The following ESR1 variants were observed in gnomAD, a reference collection of about 807,000 sequenced individuals.
ESR1 encodes estrogen receptor 1, also known as estrogen receptor.
In ESR1, 12 loss-of-function variants were observed where a neutral mutation model predicts 52.7. The ratio of observed to expected loss-of-function variants is 0.23; its 90% CI spans 0.15 to 0.37. ESR1 has a LOEUF of 0.37. ESR1 is among the 10% of genes least tolerant of loss of function. The pLI is 1.00. For synonymous variants in ESR1, 305 were observed against 316.8 expected, an observed-to-expected ratio of 0.96 and a Z score of 0.39; for missense variants, 584 against 779.7, an observed-to-expected ratio of 0.75 and a Z score of 2.99.
At chr6:151,778,741 T>A (rs1786253639) in intron 2 of ESR1, among the ~76,000 whole-genome samples, 1 of 152,148 alleles carries the variant, frequency 6.6e-6, no homozygotes, top group South Asian at 2.1e-4. Flanking sequence ...AAGAAACCAC[T>A]AATGCTTTGA....
At chr6:151,986,109 G>GCT (rs2040461860) in intron 4 of ESR1, among the ~76,000 whole-genome samples, 1 of 152,098 alleles carries the variant, frequency 6.6e-6, no homozygotes, top group South Asian at 2.1e-4. Flanking sequence ...GCTCAGTGCT[G>GCT]CTGCTGTGGA....
chr6:152,047,825 A>T (rs1454142315), intron 5 of ESR1, among the ~76,000 whole-genome samples: 1 of 152,080 alleles, frequency 6.6e-6, no homozygotes, highest in Non-Finnish European at 1.5e-5. Flanking sequence ...GGCCGGGGGA[A>T]TTAAGACCTC....
chr6:152,023,268 G>A (rs2043839797), intron 5 of ESR1, among the ~76,000 whole-genome samples: 2 of 152,140 alleles, frequency 1.3e-5, no homozygotes, highest in African/African-American at 4.8e-5. Context: ...TCTAGTTCTT[G>A]ATAGCAACAG....
At chr6:151,886,797 T>G (rs1207188964) in intron 3 of ESR1, among the ~76,000 whole-genome samples, 1 of 152,018 alleles carries the variant, frequency 6.6e-6, no homozygotes, top group African/African-American at 2.4e-5. Context: ...TCCCAGCATT[T>G]TGGGAGGCCG....
At position 151,691,817 on chromosome 6, in the gene ESR1, T is replaced by C. The variant is rs187808451; in HGVS notation, c.-202+1153T>C. 2.6e-5 allele frequency among the ~76,000 whole-genome samples: 4 copies of C among 152,344 alleles called. No homozygotes were observed. The East Asian group carries it at 7.7e-4, about 29-fold the overall frequency. ...ATGGATGGTTCAGGGTCCATTTGTA[T>C]ACCATAAAATCCCTTCCTATTTCTC... is the stretch of plus-strand genomic sequence containing the variant. On this transcript the variant is annotated intron_variant, in intron 1 of 2. Coordinates refer to the ESR1 transcript ENST00000404742.
At chr6:151,757,551 C>A (rs539362167) in intron 2 of ESR1, among the ~76,000 whole-genome samples, 2 of 152,288 alleles carry the variant, frequency 1.3e-5, no homozygotes, top group South Asian at 4.1e-4. Flanking sequence ...AACCTTGGAT[C>A]CTGACCTCAG....
intron 5 of ESR1, among the ~76,000 whole-genome samples, chr6:152,044,212 ACT>A (rs2046038270): frequency 1.3e-5 from 2 of 152,076 alleles, no homozygotes; most frequent in African/African-American, 4.8e-5. Flanking sequence ...ATTTTGCATA[ACT>A]CTCTACACAG....
intron 2 of ESR1, among the ~76,000 whole-genome samples, chr6:151,872,042 T>C (rs1328123395): frequency 6.6e-6 from 1 of 152,184 alleles, no homozygotes; most frequent in Admixed American, 6.5e-5. Flanking sequence ...GCTATGAACA[T>C]GGGTATAAAA....
intron 3 of ESR1, among the ~76,000 whole-genome samples, chr6:151,907,622 G>A (rs1352039420): frequency 1.3e-5 from 2 of 151,934 alleles, no homozygotes; most frequent in African/African-American, 4.8e-5. Context: ...TAATATTCCA[G>A]CATGGACATA....
intron 3 of ESR1, among the ~76,000 whole-genome samples, chr6:151,941,078 T>G (rs1344988448): frequency 6.6e-6 from 1 of 152,188 alleles, no homozygotes; most frequent in African/African-American, 2.4e-5. Flanking sequence ...GTAAGATAAA[T>G]TACATTCATG....
intron 4 of ESR1, among the ~76,000 whole-genome samples, chr6:151,971,501 G>A (rs1237429347): frequency 6.6e-6 from 1 of 151,976 alleles, no homozygotes; most frequent in Non-Finnish European, 1.5e-5. Context: ...ATTCCATCCA[G>A]AACCCTCAAA....
chr6:151,744,659 G>A (rs1230013036), intron 2 of ESR1, among the ~76,000 whole-genome samples: 3 of 152,070 alleles, frequency 2.0e-5, no homozygotes, highest in Non-Finnish European at 2.9e-5. Context: ...CTCCCATTTT[G>A]TGAATCTTTT....
intron 2 of ESR1, among the ~76,000 whole-genome samples, chr6:151,869,501 G>A (rs993658469): frequency 2.0e-5 from 3 of 152,118 alleles, no homozygotes; most frequent in African/African-American, 7.2e-5. Flanking sequence ...ATGAGATGGT[G>A]GTCACTGATT....
At chr6:152,074,262 C>T (rs1213378600) in intron 6 of ESR1, among the ~76,000 whole-genome samples, 4 of 152,208 alleles carry the variant, frequency 2.6e-5, no homozygotes, top group Non-Finnish European at 5.9e-5. Flanking sequence ...CCCTCCACCC[C>T]ATTCCTGGCA....
intron 6 of ESR1, among the ~76,000 whole-genome samples, chr6:152,068,763 A>G (rs747364538): frequency 6.6e-6 from 1 of 152,192 alleles, no homozygotes; most frequent in Admixed American, 6.5e-5. Context: ...TTGAATTTCC[A>G]CTAAAATAAA....
At chr6:151,991,611 C>T (rs753492222) in intron 4 of ESR1, among the ~76,000 whole-genome samples, 3 of 152,056 alleles carry the variant, frequency 2.0e-5, no homozygotes, top group Non-Finnish European at 4.4e-5. Flanking sequence ...ACAGAGAAAA[C>T]GGCCCCCACA....
chr6:151,899,652 C>T (rs547908752), intron 3 of ESR1, among the ~76,000 whole-genome samples: 1,881 of 150,754 alleles, frequency 0.012, 18 homozygotes, highest in Non-Finnish European at 0.02. Context: ...GGGTGGCTGC[C>T]GGGCTGAGGG....
At chr6:152,030,914 A>G (rs1338344710) in intron 5 of ESR1, among the ~76,000 whole-genome samples, 3 of 152,222 alleles carry the variant, frequency 2.0e-5, no homozygotes, top group South Asian at 2.1e-4. Flanking sequence ...CAAATGTAAA[A>G]GAACAGAAAT....
At chr6:152,014,192 C>A (rs1361277640) in intron 5 of ESR1, among the ~76,000 whole-genome samples, 2 of 152,110 alleles carry the variant, frequency 1.3e-5, no homozygotes, top group African/African-American at 4.8e-5. Context: ...AAACCTTTTT[C>A]TTTGTAAATT....
Sources: allele counts gnomAD v4.1 joint callset (sites outside exome capture counted in the v4.1 genomes callset), GRCh38; gene constraint gnomAD v4.1.1; transcripts MANE v1.5; gene names NCBI Gene and HGNC (gene_info 2026-07-23, HGNC 2026-07-21).